The following SLC37A2 variants were observed in gnomAD, a reference collection of about 807,000 sequenced individuals.
SLC37A2 encodes the protein solute carrier family 37 member 2.
A neutral mutation model predicts 70.7 loss-of-function variants in SLC37A2; 59 were observed. The ratio of observed to expected loss-of-function variants is 0.83; its 90% confidence interval spans 0.68 to 1.04. The LOEUF (loss-of-function observed/expected upper bound fraction) is 1.04. Among genes scored for constraint, SLC37A2 ranks in the 50% least tolerant of loss-of-function variants. The pLI is 0.00. For synonymous variants in SLC37A2, 257 were observed against 262.1 expected, an observed-to-expected ratio of 0.98 and a Z score of 0.19; for missense variants, 580 against 658.1, an observed-to-expected ratio of 0.88 and a Z score of 1.30.
intron 1 of SLC37A2, among the ~76,000 whole-genome samples, chr11:125,071,989 T>G (rs1949034296): frequency 1.3e-5 from 2 of 151,882 alleles, no homozygotes; most frequent in Admixed American, 6.6e-5. Flanking sequence ...TCTGGACAAG[T>G]GCCAAAGTCA....
chr11:125,068,461 G>T lies in SLC37A2; in HGVS notation c.59+5035G>T, dbSNP rs77888592. ...GGCCTGCAAAGACAATCAAGACAGG[G>T]TTCTACCTTCTTGGAACTAAGAATC... On this transcript the variant is annotated intron_variant, in intron 1 of 17. Transcript: ENST00000403796. Among the ~76,000 whole-genome samples the T allele has an allele frequency of 1.8e-4, 28 of 152,238 alleles. 1 individual carries two copies. In the East Asian group the frequency reaches 3.5e-3, roughly 19 times the overall value.
intron 12 of SLC37A2, 23 bp from the exon 13 acceptor site, chr11:125,084,802 G>A: frequency 6.2e-7 from 1 of 1,612,364 alleles, no homozygotes; most frequent in Non-Finnish European, 8.5e-7. Flanking sequence ...GGGTGACTCT[G>A]CCTCTCCCCT....
intron 1 of SLC37A2, among the ~76,000 whole-genome samples, chr11:125,068,489 G>A (rs1229374751): frequency 6.6e-6 from 1 of 152,158 alleles, no homozygotes; most frequent in East Asian, 1.9e-4. Context: ...TAAGAATCAA[G>A]CTGGAGAGGG....
Position 125,087,567 on chromosome 11 carries a change from G to A in SLC37A2, c.1491-552G>A, listed in dbSNP as rs184870972. 590 of 153,692 alleles carry A rather than the reference G, an allele frequency of 3.8e-3. 4 individuals carry two copies. Among genetic ancestry groups the A allele is most frequent in the Middle Eastern group, 0.017 (5 of 298 alleles). The allele number at this position is 153,692 out of a possible 1,614,324, so 9.5% of individuals were successfully genotyped here. A position where few individuals can be genotyped will look rare whatever the true frequency, so the allele number is the denominator to read the frequency against. The stretch of plus-strand genomic sequence containing the variant: ...ATTGACCCAAGGCTGAGATAAATGG[G>A]ATATGTGATATTGCTTTGTAAAGCT... On this transcript the variant is annotated intron_variant, in intron 17 of 17. Transcript: ENST00000403796.
At position 125,078,868 on chromosome 11, in the gene SLC37A2, G is replaced by C. The variant is rs78874519; in HGVS notation, c.315-244G>C. Among the ~76,000 whole-genome samples, 1,155 of 152,190 alleles carry C rather than the reference G, an allele frequency of 7.6e-3. 14 individuals are homozygous for C. Among genetic ancestry groups the C allele is most frequent in the African/African-American group, 0.026 (1,084 of 41,526 alleles). The stretch of plus-strand genomic sequence containing the variant: ...AGTGTTGCAAAAGACCGCACCGAGA[G>C]GAAAACGCACGACACGAGGGGCCGG... On this transcript the variant is annotated intron_variant, in intron 4 of 17. Coordinates refer to ENST00000403796, the MANE Select transcript of SLC37A2 (RefSeq NM_001145290.2).
In SLC37A2 at chr11:125,077,440, CT is replaced by C; in HGVS notation, c.236-9del. On this transcript the variant is annotated splice_polypyrimidine_tract_variant and intron_variant, in intron 3 of 17. Transcript: ENST00000403796. ...GCAGTCAGCTTTCTGTTTCTCCCAT[CT>C]GCTTTCAGACAAGGACAACTATAAG... 6.2e-7 allele frequency: 1 copy of C among 1,612,640 alleles called. No individual in the cohort carries two copies. The highest frequency in any genetic ancestry group is 1.7e-5 in the Admixed American group (1 of 59,880).
chr11:125,085,125 G>A lies in SLC37A2; in HGVS notation c.1234G>A (p.Val412Ile). 8 of 1,613,998 alleles carry A rather than the reference G, an allele frequency of 5.0e-6. No individual in the cohort carries two copies. The highest frequency in any genetic ancestry group is 6.8e-6 in the Non-Finnish European group (8 of 1,179,972). ...NGPYALITTA[V>I]SADLGTHKSL... is the part of the protein sequence containing the mutation. ...CCCATACGCGCTCATCACCACTGCT[G>A]TCTCTGCTGATCTGGTGAGTGGGGC... Residue 412 changes from valine (V) to isoleucine (I), a missense_variant, in exon 14 of 18, where the codon GTC becomes ATC. Physicochemically the swap from Val to Ile is conservative, Grantham distance 29. Transcript: ENST00000403796.
At position 125,089,596 on chromosome 11, in the gene SLC37A2, G is replaced by C. The variant is rs907866850; in HGVS notation, c.*1462G>C. On this transcript the variant is annotated 3_prime_UTR_variant, in exon 18 of 18. Coordinates refer to ENST00000403796, the MANE Select transcript of SLC37A2 (RefSeq NM_001145290.2). ...TGGCGGGCCTGCACTCGGAGCAGCCGGCCGGCCCTTCCGGCCCCGGGCAGT... is the reference window on the plus strand; with the variant it reads ...TGGCGGGCCTGCACTCGGAGCAGCCCGCCGGCCCTTCCGGCCCCGGGCAGT... The C allele has an allele frequency of 6.5e-6, 1 of 153,286 alleles. No homozygotes were observed. Among genetic ancestry groups the C allele is most frequent in the African/African-American group, 2.4e-5 (1 of 41,476 alleles). The allele number at this position is 153,286 out of a possible 1,614,324, so 9.5% of individuals were successfully genotyped here.
intron 10 of SLC37A2, among the ~76,000 whole-genome samples, chr11:125,082,976 G>C (rs1223927404): frequency 1.3e-5 from 2 of 152,178 alleles, no homozygotes; most frequent in Admixed American, 6.5e-5. Context: ...CATAGGTCAG[G>C]CTGCTCTACC....
At chr11:125,081,635 C>G in intron 8 of SLC37A2, 119 bp from the exon 9 acceptor site, 2 of 1,425,528 alleles carry the variant, frequency 1.4e-6, no homozygotes, top group Non-Finnish European at 1.9e-6. Flanking sequence ...CAGTCCAGCC[C>G]GAGACGAACG....
At chr11:125,068,079 G>C (rs374606651) in intron 1 of SLC37A2, among the ~76,000 whole-genome samples, 1 of 152,072 alleles carries the variant, frequency 6.6e-6, no homozygotes, top group African/African-American at 2.4e-5. Flanking sequence ...TCAGTAATAC[G>C]CATAACATGA....
chr11:125,084,843 A>T lies in SLC37A2; in HGVS notation c.1144A>T (p.Ile382Phe). The stretch of plus-strand genomic sequence containing the variant: ...CTCTCAGATGTTCCTGTACAACTAC[A>T]TTGGCCAGGACGGGATTGCCAGCTC... ...AAPMMFLYNY[I>F]GQDGIASSIV... Residue 382 changes from isoleucine (I) to phenylalanine (F), a missense_variant, in exon 13 of 18, where the codon ATT (isoleucine) becomes TTT (phenylalanine). Transcript: ENST00000403796. 1 of 1,613,578 alleles carries T rather than the reference A, an allele frequency of 6.2e-7. No individual in the cohort carries two copies. Among genetic ancestry groups the T allele is most frequent in the Non-Finnish European group, 8.5e-7 (1 of 1,179,808 alleles).
At chr11:125,084,486 C>A (rs1262398774) in intron 12 of SLC37A2, among the ~76,000 whole-genome samples, 167 bp downstream of exon 12, 1 of 152,224 alleles carries the variant, frequency 6.6e-6, no homozygotes, top group Non-Finnish European at 1.5e-5. Context: ...TCAGCAGAGG[C>A]ACCTTGGAAA....
chr11:125,067,238 C>G (rs1465035846), intron 1 of SLC37A2, among the ~76,000 whole-genome samples: 2 of 152,246 alleles, frequency 1.3e-5, no homozygotes, highest in East Asian at 3.9e-4. Context: ...CTCATCCTCC[C>G]ACCTCATCCT....
Position 125,063,773 on chromosome 11 carries a change from G to A in SLC37A2, c.59+347G>A, listed in dbSNP as rs1378297113. The stretch of plus-strand genomic sequence containing the variant: ...GCGCCTTTCTGTCGTTGGGCAGCTG[G>A]GGAACCTGGGCTCGAAGGCTGGGGA... On this transcript the variant is annotated intron_variant, in intron 1 of 17. Transcript: ENST00000403796. The surrounding 1 kb of genome is among the most constrained non-coding windows in gnomAD (Gnocchi z 5.4). Among the ~76,000 whole-genome samples the A allele has an allele frequency of 6.6e-6, 1 of 152,250 alleles. No individual in the cohort carries two copies. Among genetic ancestry groups the A allele is most frequent in the East Asian group, 1.9e-4 (1 of 5,186 alleles).
chr11:125,085,339 G>T (rs1272725178), intron 14 of SLC37A2, 56 bp from the exon 15 acceptor site: 4 of 1,553,206 alleles, frequency 2.6e-6, no homozygotes. Flanking sequence ...CTCCTGTCCT[G>T]GTTCTGCTCA....
chr11:125,071,946 C>G (rs1298996290), intron 1 of SLC37A2, among the ~76,000 whole-genome samples: 1 of 152,202 alleles, frequency 6.6e-6, no homozygotes, highest in Non-Finnish European at 1.5e-5. Context: ...TCAGAACAGT[C>G]ACGTCCGAGA....
At chr11:125,074,623 T>C (rs997650782) in intron 1 of SLC37A2, among the ~76,000 whole-genome samples, 2 of 22,822 alleles carry the variant, frequency 8.8e-5, no homozygotes, top group Admixed American at 5.3e-4. Context: ...GTTGGGGGAG[T>C]GGGGTGGGAG....
At chr11:125,084,369 G>A in intron 12 of SLC37A2, 50 bp downstream of exon 12, 2 of 1,588,536 alleles carry the variant, frequency 1.3e-6, no homozygotes, top group South Asian at 2.2e-5. Flanking sequence ...GCAGGAGCCT[G>A]TGTGGGCCTC....
Sources: gnomAD v4.1 joint callset for allele counts (sites outside exome capture counted in the v4.1 genomes callset) on GRCh38, gnomAD v4.1.1 for gene constraint, Gnocchi (gnomAD v3.1) non-coding constraint, MANE v1.5 for transcripts, NCBI Gene and HGNC (gene_info 2026-07-23, HGNC 2026-07-21) for gene names.